Variants in ADCY9 observed in about 807,000 individuals in gnomAD.
ADCY9 encodes the protein adenylate cyclase type 9.
ADCY9 carries 50 observed loss-of-function variants against 101.5 expected under a neutral mutation model. That is an observed-to-expected ratio of 0.49 (90% confidence interval 0.39 to 0.62). The LOEUF (loss-of-function observed/expected upper bound fraction) is 0.62. Ranked by LOEUF, ADCY9 falls within the 20% of genes least tolerant of loss-of-function variation. The pLI, the probability that ADCY9 is intolerant of heterozygous loss-of-function variation, is 0.00. For missense variants in ADCY9, 1,662 were observed against 1,800.4 expected (o/e 0.92, Z 1.39); for synonymous variants, 905 against 769.3 (o/e 1.18, Z -2.92).
At chr16:4,009,051 A>G (rs1254488742) in intron 2 of ADCY9, among the ~76,000 whole-genome samples, 1 of 152,220 alleles carries the variant, frequency 6.6e-6, no homozygotes, top group Non-Finnish European at 1.5e-5. Context: ...TCATTTTATA[A>G]GTATGGCCCC....
Position 4,114,846 on chromosome 16 carries a change from T to C in ADCY9, c.597A>G (p.Ser199=), listed in dbSNP as rs758445848. The change falls in exon 2 of 11, where the codon TCA becomes TCG. Residue 199 remains serine, a synonymous_variant. Transcript: ENST00000294016. The surrounding 1 kb of genome is among the most constrained non-coding windows in gnomAD (Gnocchi z 4.3). ...AAQFQVLTPV[S]GRGDSSNLTA... Reference sequence around the variant, plus strand: ...TAAGGTTGGAGCTGTCGCCGCGTCCTGAGACAGGCGTCAAGACCTGGAACT... The same window carrying C: ...TAAGGTTGGAGCTGTCGCCGCGTCCCGAGACAGGCGTCAAGACCTGGAACT... The C allele has an allele frequency of 3.1e-6, 5 of 1,613,576 alleles. No homozygotes were observed. Among genetic ancestry groups the C allele is most frequent in the Non-Finnish European group, 4.2e-6 (5 of 1,180,042 alleles).
At chr16:4,096,665 G>A (rs1028680886) in intron 2 of ADCY9, among the ~76,000 whole-genome samples, 6 of 152,008 alleles carry the variant, frequency 3.9e-5, no homozygotes, top group African/African-American at 9.7e-5. Context: ...AACACAATAG[G>A]GTACGAACTA....
chr16:4,031,260 G>A (rs573037560), intron 2 of ADCY9, among the ~76,000 whole-genome samples: 23 of 152,324 alleles, frequency 1.5e-4, no homozygotes, highest in African/African-American at 3.1e-4. Flanking sequence ...GGAGATACAT[G>A]CTGAAGAATT....
intron 2 of ADCY9, among the ~76,000 whole-genome samples, chr16:4,057,604 C>T (rs956908483): frequency 6.6e-6 from 1 of 152,216 alleles, no homozygotes; most frequent in African/African-American, 2.4e-5. Context: ...TTGGCTCCTA[C>T]AGTGGTTGAC....
At chr16:3,989,463 C>T (rs192128075) in intron 5 of ADCY9, among the ~76,000 whole-genome samples, 47 of 152,250 alleles carry the variant, frequency 3.1e-4, no homozygotes, top group African/African-American at 1.0e-3. Context: ...ACTGCAATCT[C>T]CGCCTCCCAG....
intron 2 of ADCY9, among the ~76,000 whole-genome samples, chr16:4,017,470 C>T (rs2056445807): frequency 1.3e-5 from 2 of 148,690 alleles, no homozygotes. Flanking sequence ...ATGGTAAAAC[C>T]CTGTCTCTAC....
At chr16:4,095,859 C>G (rs2057000223) in intron 2 of ADCY9, among the ~76,000 whole-genome samples, 1 of 151,736 alleles carries the variant, frequency 6.6e-6, no homozygotes, top group South Asian at 2.1e-4. Context: ...TGACTATAGT[C>G]CCAGCTACTC....
intron 2 of ADCY9, among the ~76,000 whole-genome samples, chr16:4,026,152 C>T (rs920692169): frequency 1.9e-4 from 29 of 152,212 alleles, no homozygotes; most frequent in Non-Finnish European, 2.5e-4. Context: ...AGGCTGGGCG[C>T]GGTGGATCAC....
chr16:3,979,411 C>T (rs954000904), intron 7 of ADCY9, 136 bp from the exon 8 acceptor site: 34 of 1,034,390 alleles, frequency 3.3e-5, no homozygotes, highest in East Asian at 5.2e-5. Flanking sequence ...TGAGAGCAGG[C>T]GTGGGGTGGG....
At chr16:4,030,699 G>A (rs2056549672) in intron 2 of ADCY9, among the ~76,000 whole-genome samples, 1 of 149,666 alleles carries the variant, frequency 6.7e-6, no homozygotes, top group South Asian at 2.1e-4. Flanking sequence ...GCAAAACTCG[G>A]TCTCAAAAAA....
chr16:4,089,138 A>C (rs777810733), intron 2 of ADCY9, among the ~76,000 whole-genome samples: 2 of 96,858 alleles, frequency 2.1e-5, no homozygotes, highest in Non-Finnish European at 4.1e-5. Context: ...TCACCCAGGC[A>C]ATCTCAGCTC....
intron 2 of ADCY9, among the ~76,000 whole-genome samples, chr16:4,040,147 G>A (rs2056617101): frequency 1.3e-5 from 2 of 152,176 alleles, no homozygotes; most frequent in Non-Finnish European, 1.5e-5. Flanking sequence ...CTAAAATTTT[G>A]GTTTCTGAGA....
chr16:3,959,292 G>T (rs2055925175), downstream of ADCY9, among the ~76,000 whole-genome samples: 1 of 151,344 alleles, frequency 6.6e-6, no homozygotes. Flanking sequence ...GGCCAGGGAG[G>T]TTGAGGTTGC....
intron 2 of ADCY9, among the ~76,000 whole-genome samples, chr16:4,060,609 G>A (rs1458784707): frequency 6.6e-6 from 1 of 151,844 alleles, no homozygotes; most frequent in African/African-American, 2.4e-5. Flanking sequence ...GCAAAGCCAG[G>A]CTTAAACACA....
At chr16:4,066,119 T>G (rs1239885435) in intron 2 of ADCY9, among the ~76,000 whole-genome samples, 1 of 152,186 alleles carries the variant, frequency 6.6e-6, no homozygotes, top group African/African-American at 2.4e-5. Flanking sequence ...TAGGAATGGG[T>G]ATGAACTTGC....
intron 2 of ADCY9, among the ~76,000 whole-genome samples, chr16:4,086,367 G>A (rs749064883): frequency 6.6e-6 from 1 of 152,060 alleles, no homozygotes; most frequent in African/African-American, 2.4e-5. Context: ...CCCTGAGATC[G>A]GAGAGCCTAT....
At chr16:3,962,467 A>T (rs2141665255), downstream of ADCY9, among the ~76,000 whole-genome samples, 1 of 152,248 alleles carries the variant, frequency 6.6e-6, no homozygotes, top group South Asian at 2.1e-4. Flanking sequence ...AGATCCAATT[A>T]AAAAAATAAC....
At chr16:4,108,063 T>G (rs545155793) in intron 2 of ADCY9, among the ~76,000 whole-genome samples, 1 of 152,348 alleles carries the variant, frequency 6.6e-6, no homozygotes, top group South Asian at 2.1e-4. Flanking sequence ...CTCCCTGGTA[T>G]TCCCCTCTTC....
intron 5 of ADCY9, among the ~76,000 whole-genome samples, chr16:3,989,388 T>G (rs1019167594): frequency 1.3e-5 from 2 of 152,060 alleles, no homozygotes; most frequent in Non-Finnish European, 2.9e-5. Context: ...GGGGTTTTTT[T>G]TTTTTGAGGC....
Sources: allele counts gnomAD v4.1 joint callset (sites outside exome capture counted in the v4.1 genomes callset), GRCh38; gene constraint gnomAD v4.1.1; non-coding constraint Gnocchi (gnomAD v3.1); transcripts MANE v1.5; gene names NCBI Gene and HGNC (gene_info 2026-07-23, HGNC 2026-07-21).